Variants in IGF2R observed in about 807,000 individuals in gnomAD.
The protein encoded by IGF2R is insulin like growth factor 2 receptor.
A neutral mutation model predicts 270.6 loss-of-function variants in IGF2R; 91 were observed. The ratio of observed to expected loss-of-function variants is 0.34; its 90% CI spans 0.28 to 0.40. IGF2R has a LOEUF of 0.40. Among genes scored for constraint, IGF2R ranks in the 10% least tolerant of loss-of-function variants. IGF2R has a pLI of 1.00. For missense variants in IGF2R, 2,805 were observed against 3,188.3 expected (o/e 0.88, Z 2.90); for synonymous variants, 1,316 against 1,258.9 (o/e 1.05, Z -0.96).
intron 18 of IGF2R, 96 bp downstream of exon 18, chr6:160,048,639 C>G (rs747176273): frequency 3.3e-5 from 42 of 1,272,276 alleles, no homozygotes; most frequent in Middle Eastern, 2.3e-4. Context: ...TCAAAGGCAG[C>G]ACAGCTGCTC....
In IGF2R at chr6:160,034,443, G is replaced by A. The variant is rs1777768626; in HGVS notation, c.1236G>A (p.Leu412=). Residue 412 remains leucine (L), a synonymous_variant, in exon 10 of 48, where the codon TTG becomes TTA. Transcript: ENST00000356956. The part of the protein sequence containing the change: ...TLRYSDGDLT[L]IYFGGDECSS... ...GATATTCGGATGGAGACCTCACCTT[G>A]ATATATTTTGGAGGTGATGAATGCA... is the stretch of plus-strand genomic sequence containing the variant. 6.2e-7 allele frequency: 1 copy of A among 1,606,026 alleles called. No homozygotes were observed. Among genetic ancestry groups the A allele is most frequent in the Non-Finnish European group, 8.5e-7 (1 of 1,172,996 alleles).
intron 7 of IGF2R, 96 bp from the exon 8 acceptor site, chr6:160,032,455 A>G: frequency 8.8e-7 from 1 of 1,140,098 alleles, no homozygotes; most frequent in Non-Finnish European, 1.2e-6. Flanking sequence ...GTAGAAACCT[A>G]ACAACCTGTC....
Position 160,032,664 on chromosome 6 carries a change from C to G in IGF2R, c.996C>G (p.Gly332=), listed in dbSNP as rs201732709. 1 of 1,614,120 alleles carries G rather than the reference C, an allele frequency of 6.2e-7. No individual in the cohort carries two copies. Among genetic ancestry groups the G allele is most frequent in the Admixed American group, 1.7e-5 (1 of 60,026 alleles). ...YLESKTCSLS[G]EQQDVSIDLT... ...AAAGTAAAACTTGTTCTCTGAGCGG[C>G]GAGCAGCAGGATGTCTCCATAGACC... Residue 332 remains glycine (G), a synonymous_variant, in exon 8 of 48, where the codon GGC becomes GGG. Transcript: ENST00000356956.
At chr6:160,057,188 A>ATC (rs1778334649) in intron 20 of IGF2R, among the ~76,000 whole-genome samples, 1 of 152,094 alleles carries the variant, frequency 6.6e-6, no homozygotes, top group African/African-American at 2.4e-5. Context: ...TTAATGTGCC[A>ATC]CTTGAGTCTC....
intron 19 of IGF2R, among the ~76,000 whole-genome samples, chr6:160,052,408 A>G (rs1778219747): frequency 6.6e-6 from 1 of 152,228 alleles, no homozygotes; most frequent in Admixed American, 6.5e-5. Context: ...GGAGAACTAC[A>G]AACCACTGCT....
In IGF2R at chr6:160,102,810, C is replaced by T; in HGVS notation, c.6995+139C>T. On this transcript the variant is annotated intron_variant, in intron 46 of 47. Transcript: ENST00000356956. The surrounding 1 kb of genome is among the most constrained non-coding windows in gnomAD (Gnocchi z 4.5). Reference sequence around the variant, plus strand: ...GGCTCGAGGTTCTTAGTCCAAAACTCTCTGGAAGCAGTCCCCAGCGTTGTG... The same window carrying T: ...GGCTCGAGGTTCTTAGTCCAAAACTTTCTGGAAGCAGTCCCCAGCGTTGTG... The T allele has an allele frequency of 5.9e-6, 6 of 1,018,516 alleles. No individual in the cohort carries two copies. Among genetic ancestry groups the T allele is most frequent in the Non-Finnish European group, 8.4e-6 (6 of 712,908 alleles). 63.1% of individuals were successfully genotyped at this position (1,018,516 alleles called of 1,614,324 possible).
At chr6:160,015,411 C>CT (rs1777264657) in intron 4 of IGF2R, among the ~76,000 whole-genome samples, 1 of 152,130 alleles carries the variant, frequency 6.6e-6, no homozygotes, top group African/African-American at 2.4e-5. Context: ...CTTTTTTACT[C>CT]TGGGGGGGAT....
At chr6:160,038,818 A>AAAAC (rs1303582897) in intron 10 of IGF2R, among the ~76,000 whole-genome samples, 1 of 152,142 alleles carries the variant, frequency 6.6e-6, no homozygotes, top group Non-Finnish European at 1.5e-5. Context: ...AAACAAACAA[A>AAAAC]AAACACAGGA....
chr6:160,045,071 C>T (rs8191794), intron 13 of IGF2R, among the ~76,000 whole-genome samples: 1 of 152,186 alleles, frequency 6.6e-6, no homozygotes, highest in East Asian at 1.9e-4. Flanking sequence ...TTGTTTTTAC[C>T]AAGTCAAAAT....
intron 29 of IGF2R, 109 bp from the exon 30 acceptor site, chr6:160,068,140 C>T: frequency 8.3e-7 from 1 of 1,205,858 alleles, no homozygotes; most frequent in South Asian, 1.4e-5. Context: ...GTCTAAAGTT[C>T]TGTCAGGCTT....
chr6:160,079,034 G>A (rs988473665), intron 37 of IGF2R, among the ~76,000 whole-genome samples: 1 of 152,164 alleles, frequency 6.6e-6, no homozygotes, highest in Non-Finnish European at 1.5e-5. Context: ...GTGGCACGGC[G>A]GCTGGTGAGT....
In IGF2R at chr6:160,050,344, C is replaced by A; in HGVS notation, c.2515-129C>A. On this transcript the variant is annotated intron_variant, in intron 18 of 47. Transcript: ENST00000356956. The surrounding 1 kb of genome is among the most constrained non-coding windows in gnomAD (Gnocchi z 4.0). ...TATTCCATATGTAATAAGGGGATTT[C>A]CCCAGGAGCAGTGGTTCTGTATTCA... 2.2e-6 allele frequency: 2 copies of A among 927,342 alleles called. No individual in the cohort carries two copies. The highest frequency in any genetic ancestry group is 3.3e-6 in the Non-Finnish European group (2 of 608,460). The allele number at this position is 927,342 out of a possible 1,614,324, so 57.4% of individuals were successfully genotyped here.
At chr6:159,989,687 C>T (rs1320224729) in intron 1 of IGF2R, among the ~76,000 whole-genome samples, 2 of 152,236 alleles carry the variant, frequency 1.3e-5, no homozygotes, top group Non-Finnish European at 2.9e-5. Context: ...TGGCCTTCGC[C>T]TCCCAAAGTG....
chr6:160,093,578 GC>G, intron 44 of IGF2R: 1 of 666,222 alleles, frequency 1.5e-6, no homozygotes, highest in Admixed American at 2.0e-5. Flanking sequence ...TCCAGAACTT[GC>G]CATCAACCCA....
intron 1 of IGF2R, among the ~76,000 whole-genome samples, chr6:159,976,696 A>G (rs577115219): frequency 2.6e-5 from 4 of 152,036 alleles, no homozygotes; most frequent in South Asian, 2.1e-4. Flanking sequence ...TTTGGATTCA[A>G]AAGTTCTATC....
At chr6:160,103,672 G>A (rs530777343) in intron 46 of IGF2R, 74 bp from the exon 47 acceptor site, 1 of 1,000,004 alleles carries the variant, frequency 1.0e-6, no homozygotes, top group East Asian at 2.4e-5. Flanking sequence ...GATGGGGGTG[G>A]GGCTGGCGGG....
chr6:160,073,062 C>T, intron 33 of IGF2R, 151 bp from the exon 34 acceptor site: 2 of 1,331,540 alleles, frequency 1.5e-6, no homozygotes, highest in South Asian at 2.8e-5. Context: ...AATGAACATT[C>T]AATGTAAAAC....
chr6:160,091,403 G>A (rs557961130), intron 44 of IGF2R, among the ~76,000 whole-genome samples: 3 of 152,224 alleles, frequency 2.0e-5, no homozygotes, highest in South Asian at 2.1e-4. Context: ...CAGGTGCTCC[G>A]TGCCCTGGTG....
chr6:160,054,269 G>A (rs557579794), intron 19 of IGF2R, among the ~76,000 whole-genome samples: 14 of 152,334 alleles, frequency 9.2e-5, no homozygotes, highest in Admixed American at 4.6e-4. Context: ...ACACACATGC[G>A]TGGTAGGCAA....
Sources: gnomAD v4.1 joint callset for allele counts (sites outside exome capture counted in the v4.1 genomes callset) on GRCh38, gnomAD v4.1.1 for gene constraint, Gnocchi (gnomAD v3.1) non-coding constraint, MANE v1.5 for transcripts, NCBI Gene and HGNC (gene_info 2026-07-23, HGNC 2026-07-21) for gene names.